The following LRP1B variants were observed in gnomAD, a reference collection of about 807,000 sequenced individuals.
The protein encoded by LRP1B is low-density lipoprotein receptor-related protein 1B.
LRP1B carries 217 observed loss-of-function variants against 556.6 expected under a neutral mutation model. The observed-to-expected ratio is 0.39, with a 90% CI of 0.35 to 0.44. LRP1B has a LOEUF of 0.44. Ranked by LOEUF, LRP1B falls within the 20% of genes least tolerant of loss-of-function variation. The probability of loss-of-function intolerance (pLI) is 1.00; values close to 1 mark genes in which losing one functional copy is unlikely to be tolerated. For synonymous variants in LRP1B, 2,047 were observed against 1,865.8 expected (o/e 1.10, Z -2.50); for missense variants, 5,053 against 5,620.8 (o/e 0.90, Z 3.23).
intron 2 of LRP1B, among the ~76,000 whole-genome samples, chr2:141,623,717 A>G (rs1688588788): frequency 8.5e-6 from 1 of 117,238 alleles, no homozygotes; most frequent in South Asian, 2.8e-4. Flanking sequence ...CCTCTAATGC[A>G]TACAGAAAAA....
At chr2:141,120,104 A>G (rs1701008876) in intron 7 of LRP1B, among the ~76,000 whole-genome samples, 1 of 151,944 alleles carries the variant, frequency 6.6e-6, no homozygotes, top group Non-Finnish European at 1.5e-5. Context: ...CAGAGGTTCT[A>G]GGAGGAAGAG....
chr2:142,014,993 C>T (rs1476870520), intron 1 of LRP1B, among the ~76,000 whole-genome samples: 2 of 152,056 alleles, frequency 1.3e-5, no homozygotes, highest in Non-Finnish European at 2.9e-5. Context: ...TATGTATTTC[C>T]TCTGTTGGGG....
chr2:141,454,800 A>T (rs1436913440), intron 3 of LRP1B, among the ~76,000 whole-genome samples: 1 of 152,172 alleles, frequency 6.6e-6, no homozygotes, highest in East Asian at 1.9e-4. Context: ...AGAGGAGAGG[A>T]ATAGTGCTAC....
rs573246023 is a variant in LRP1B, at chr2:141,096,358, C to G, written c.1014-34085G>C. 3.4e-4 allele frequency among the ~76,000 whole-genome samples: 51 copies of G among 152,136 alleles called. 1 individual carries two copies. The South Asian group carries it at 4.6e-3, about 14-fold the overall frequency. Reference sequence around the variant, plus strand: ...ATCCCAGCACTTCGGGAGGCTGAAGCAGGAGGATCACTGGCGGTCAGGAGT... The same window carrying G: ...ATCCCAGCACTTCGGGAGGCTGAAGGAGGAGGATCACTGGCGGTCAGGAGT... On this transcript the variant is annotated intron_variant, in intron 7 of 90. Transcript: ENST00000389484.
intron 1 of LRP1B, among the ~76,000 whole-genome samples, chr2:141,896,487 G>A (rs1276301683): frequency 6.6e-6 from 1 of 151,974 alleles, no homozygotes; most frequent in East Asian, 1.9e-4. Context: ...TGTACTAAAT[G>A]ACCCAATTGC....
chr2:140,923,098 A>G lies in LRP1B; in HGVS notation c.3186T>C (p.Pro1062=), dbSNP rs776210108. Residue 1062 remains proline (P), a synonymous_variant, in exon 21 of 91, where the codon CCT becomes CCC. Coordinates refer to ENST00000389484, the MANE Select transcript of LRP1B (RefSeq NM_018557.3). ...GCNGNEFQCH[P]DGNCVPDLWR... ...ACAAATCAGGAACGCAATTACCATCAGGGTGGCACTGAAATTCATTTCCGT... is the reference window on the plus strand; with the variant it reads ...ACAAATCAGGAACGCAATTACCATCGGGGTGGCACTGAAATTCATTTCCGT... The G allele has an allele frequency of 6.2e-7, 1 of 1,612,612 alleles. No individual in the cohort carries two copies. Among genetic ancestry groups the G allele is most frequent in the South Asian group, 1.1e-5 (1 of 90,932 alleles).
At chr2:141,935,145 G>C (rs561564568) in intron 1 of LRP1B, among the ~76,000 whole-genome samples, 39 of 152,190 alleles carry the variant, frequency 2.6e-4, no homozygotes, top group African/African-American at 9.1e-4. Flanking sequence ...AGAGTATGGT[G>C]AATACATAGC....
intron 2 of LRP1B, among the ~76,000 whole-genome samples, chr2:141,788,741 A>C (rs909064669): frequency 8.0e-6 from 1 of 124,296 alleles, no homozygotes; most frequent in Non-Finnish European, 1.6e-5. Context: ...TCCTGTGTCC[A>C]TGTGTTCTCA....
intron 14 of LRP1B, among the ~76,000 whole-genome samples, chr2:141,008,983 T>C (rs116394918): frequency 0.01 from 1,580 of 152,054 alleles, 29 homozygotes; most frequent in African/African-American, 0.035. Flanking sequence ...GTATCTTTTT[T>C]TGAGCAAATG....
chr2:140,538,467 A>G (rs1449737709), intron 45 of LRP1B, among the ~76,000 whole-genome samples: 1 of 152,078 alleles, frequency 6.6e-6, no homozygotes, highest in Non-Finnish European at 1.5e-5. Context: ...ATAAATTAGA[A>G]CACGTGGTAT....
intron 2 of LRP1B, among the ~76,000 whole-genome samples, chr2:141,492,381 A>G (rs957580014): frequency 1.3e-5 from 2 of 152,126 alleles, no homozygotes; most frequent in African/African-American, 4.8e-5. Flanking sequence ...AAACAAAACA[A>G]AAAATATCTT....
intron 7 of LRP1B, among the ~76,000 whole-genome samples, chr2:141,118,480 A>G (rs1700962046): frequency 6.6e-6 from 1 of 151,920 alleles, no homozygotes; most frequent in South Asian, 2.1e-4. Flanking sequence ...CTTTTTTGTA[A>G]ACTAGTTCTT....
intron 3 of LRP1B, among the ~76,000 whole-genome samples, chr2:141,363,300 C>T (rs1688903407): frequency 6.6e-6 from 1 of 152,150 alleles, no homozygotes; most frequent in Non-Finnish European, 1.5e-5. Flanking sequence ...AAAGAAACAA[C>T]TTTCTAAGCT....
At chr2:142,097,884 G>A (rs1164529184) in intron 1 of LRP1B, among the ~76,000 whole-genome samples, 2 of 151,604 alleles carry the variant, frequency 1.3e-5, no homozygotes, top group Non-Finnish European at 3.0e-5. Flanking sequence ...AACAGATTGA[G>A]TTTTTATAGG....
At chr2:140,256,978 A>G (rs1417289928) in intron 86 of LRP1B, among the ~76,000 whole-genome samples, 5 of 150,498 alleles carry the variant, frequency 3.3e-5, no homozygotes, top group Admixed American at 2.6e-4. Context: ...TTCCCAACAG[A>G]AAAAAATAGG....
intron 1 of LRP1B, among the ~76,000 whole-genome samples, chr2:141,924,364 C>T (rs2104980733): frequency 6.6e-6 from 1 of 152,200 alleles, no homozygotes; most frequent in Non-Finnish European, 1.5e-5. Context: ...CCCTGTCCAT[C>T]CTGCTGAGAG....
chr2:140,388,467 TG>T (rs988151246), intron 66 of LRP1B, among the ~76,000 whole-genome samples: 24 of 152,176 alleles, frequency 1.6e-4, no homozygotes, highest in Non-Finnish European at 2.9e-4. Context: ...TTTAAACATT[TG>T]TATCATAGTT....
intron 87 of LRP1B, among the ~76,000 whole-genome samples, chr2:140,243,975 CA>C (rs1186956503): frequency 6.6e-6 from 1 of 151,238 alleles, no homozygotes; most frequent in Non-Finnish European, 1.5e-5. Flanking sequence ...AATCAAAACT[CA>C]CAATTACTTT....
chr2:141,281,341 A>G (rs760105521), intron 3 of LRP1B, among the ~76,000 whole-genome samples: 1 of 152,042 alleles, frequency 6.6e-6, no homozygotes, highest in Non-Finnish European at 1.5e-5. Flanking sequence ...ACCTGGGCCT[A>G]TAACTCTGTC....
Sources: gnomAD v4.1 joint callset for allele counts (sites outside exome capture counted in the v4.1 genomes callset) on GRCh38, gnomAD v4.1.1 for gene constraint, MANE v1.5 for transcripts, NCBI Gene and HGNC (gene_info 2026-07-23, HGNC 2026-07-21) for gene names.